Variants in ATP8B4 observed in about 807,000 individuals in gnomAD.
ATP8B4 encodes ATPase phospholipid transporting 8B4 (putative).
A neutral mutation model predicts 145.6 loss-of-function variants in ATP8B4; 133 were observed. The ratio of observed to expected loss-of-function variants is 0.91; its 90% CI spans 0.79 to 1.05. The LOEUF is 1.05. Ranked by LOEUF, ATP8B4 falls within the 50% of genes least tolerant of loss-of-function variation. ATP8B4 has a pLI of 0.00. For missense variants in ATP8B4, 1,458 were observed against 1,425.2 expected (o/e 1.02, Z -0.37); for synonymous variants, 507 against 492.9 (o/e 1.03, Z -0.38).
chr15:50,015,387 T>C (rs1274624321), intron 6 of ATP8B4, among the ~76,000 whole-genome samples: 2 of 152,328 alleles, frequency 1.3e-5, no homozygotes, highest in East Asian at 1.9e-4. Flanking sequence ...AAAGAAGTAA[T>C]AGAAGAAAAC....
At chr15:49,980,399 T>C (rs767123078) in intron 11 of ATP8B4, among the ~76,000 whole-genome samples, 3 of 152,218 alleles carry the variant, frequency 2.0e-5, no homozygotes, top group South Asian at 2.1e-4. Flanking sequence ...TTAAAGTGGC[T>C]GTCTTCGAAC....
intron 2 of ATP8B4, among the ~76,000 whole-genome samples, chr15:50,104,728 T>C (rs918190014): frequency 3.9e-5 from 6 of 152,132 alleles, no homozygotes; most frequent in Non-Finnish European, 8.8e-5. Flanking sequence ...CCTGGGTATC[T>C]ACCCAGAGGA....
chr15:50,001,549 A>G (rs1263266023), intron 8 of ATP8B4, among the ~76,000 whole-genome samples: 2 of 152,210 alleles, frequency 1.3e-5, no homozygotes, highest in African/African-American at 2.4e-5. Flanking sequence ...ATTACATAGC[A>G]CCTACATCAG....
At chr15:49,870,705 T>C (rs1032928562) in intron 25 of ATP8B4, among the ~76,000 whole-genome samples, 6 of 152,222 alleles carry the variant, frequency 3.9e-5, no homozygotes, top group Admixed American at 1.3e-4. Context: ...GAAGCCAAAA[T>C]TGCCTAGCAT....
At chr15:49,900,988 G>A in intron 21 of ATP8B4, 104 bp downstream of exon 21, 1 of 1,400,304 alleles carries the variant, frequency 7.1e-7, no homozygotes, top group African/African-American at 1.4e-5. Flanking sequence ...ATCTAGTAGT[G>A]ACATTTGTCT....
intron 26 of ATP8B4, among the ~76,000 whole-genome samples, chr15:49,862,730 C>T (rs1259880514): frequency 6.6e-6 from 1 of 152,204 alleles, no homozygotes; most frequent in Non-Finnish European, 1.5e-5. Flanking sequence ...GCTAGGATTA[C>T]AGGCGTGAGC....
chr15:50,178,912 G>A (rs972371565), intron 1 of ATP8B4, among the ~76,000 whole-genome samples: 2 of 152,060 alleles, frequency 1.3e-5, no homozygotes, highest in Non-Finnish European at 2.9e-5. Flanking sequence ...TTAAGAAGTC[G>A]TTACTTATTT....
intron 3 of ATP8B4, among the ~76,000 whole-genome samples, chr15:50,073,498 A>G (rs2053985072): frequency 6.6e-6 from 1 of 152,150 alleles, no homozygotes; most frequent in South Asian, 2.1e-4. Context: ...AATCATGGGC[A>G]TTTAGGTTGG....
chr15:49,970,788 A>G (rs2045040261), intron 13 of ATP8B4, among the ~76,000 whole-genome samples: 1 of 152,192 alleles, frequency 6.6e-6, no homozygotes, highest in Admixed American at 6.5e-5. Flanking sequence ...TTTCATATGG[A>G]ACCAAAAAAG....
At chr15:49,913,485 C>A (rs1173848159) in intron 20 of ATP8B4, among the ~76,000 whole-genome samples, 1 of 152,036 alleles carries the variant, frequency 6.6e-6, no homozygotes, top group Admixed American at 6.6e-5. Context: ...CTCACTTTTT[C>A]CACTCCTATT....
At chr15:50,156,581 C>CA (rs1174452854) in intron 1 of ATP8B4, among the ~76,000 whole-genome samples, 5 of 151,902 alleles carry the variant, frequency 3.3e-5, no homozygotes, top group South Asian at 4.2e-4. Flanking sequence ...TCAAGGTAGG[C>CA]AAAAAAGAGA....
At chr15:50,140,644 G>C (rs1402705101) in intron 1 of ATP8B4, among the ~76,000 whole-genome samples, 1 of 99,488 alleles carries the variant, frequency 1.0e-5, no homozygotes, top group Non-Finnish European at 2.0e-5. Context: ...TCTAATTCCT[G>C]GATTCAAAAT....
chr15:50,132,971 G>T (rs1250735159), intron 1 of ATP8B4, among the ~76,000 whole-genome samples: 1 of 115,558 alleles, frequency 8.7e-6, no homozygotes, highest in African/African-American at 3.3e-5. Context: ...GGGGTGGTGG[G>T]CTAGGGGAGG....
At chr15:50,178,442 A>C (rs549923267) in intron 1 of ATP8B4, among the ~76,000 whole-genome samples, 1 of 152,324 alleles carries the variant, frequency 6.6e-6, no homozygotes, top group East Asian at 1.9e-4. Context: ...TGGTATAAAA[A>C]CCCAGACAAA....
At chr15:49,909,942 G>A (rs2039058579) in intron 20 of ATP8B4, among the ~76,000 whole-genome samples, 1 of 151,984 alleles carries the variant, frequency 6.6e-6, no homozygotes, top group Non-Finnish European at 1.5e-5. Flanking sequence ...ACGTGAAAAA[G>A]CTAGGAAATA....
At chr15:49,949,131 G>A (rs1174261357) in intron 14 of ATP8B4, among the ~76,000 whole-genome samples, 1 of 152,074 alleles carries the variant, frequency 6.6e-6, no homozygotes, top group Non-Finnish European at 1.5e-5. Context: ...TTTTTGCTTA[G>A]GATTGTCTTG....
At chr15:49,897,625 A>AT (rs2053443674) in intron 22 of ATP8B4, 110 bp from the exon 23 acceptor site, 1 of 880,658 alleles carries the variant, frequency 1.1e-6, no homozygotes, top group African/African-American at 1.7e-5. Context: ...TGCAATTATA[A>AT]TTTTTCACAT....
chr15:50,027,686 T>C (rs1038647256), intron 6 of ATP8B4, among the ~76,000 whole-genome samples: 5 of 152,212 alleles, frequency 3.3e-5, no homozygotes, highest in African/African-American at 1.2e-4. Context: ...ATTAAGCAAA[T>C]TTAAAATCCA....
intron 14 of ATP8B4, among the ~76,000 whole-genome samples, chr15:49,954,810 A>G (rs189660358): frequency 1.1e-4 from 16 of 152,330 alleles, no homozygotes; most frequent in South Asian, 2.1e-4. Context: ...TGACTCAGCA[A>G]CCCTATTACT....
Sources: allele counts gnomAD v4.1 joint callset (sites outside exome capture counted in the v4.1 genomes callset), GRCh38; gene constraint gnomAD v4.1.1; transcripts MANE v1.5; gene names NCBI Gene and HGNC (gene_info 2026-07-23, HGNC 2026-07-21).